DYNC1I1: variants seen among roughly 807,000 people sequenced by gnomAD.
The protein encoded by DYNC1I1 is cytoplasmic dynein 1 intermediate chain 1.
In DYNC1I1, 43 loss-of-function variants were observed where a neutral mutation model predicts 86.6. That is an observed-to-expected ratio of 0.50 (90% confidence interval 0.39 to 0.64). DYNC1I1 has a LOEUF of 0.64. DYNC1I1 is among the 30% of genes least tolerant of loss of function. The pLI is 0.00. For synonymous variants in DYNC1I1, 262 were observed against 283.7 expected (o/e 0.92, Z 0.77); for missense variants, 604 against 788.8 (o/e 0.77, Z 2.81).
chr7:95,958,009 T>G (rs1050118093), intron 6 of DYNC1I1, among the ~76,000 whole-genome samples: 3 of 152,204 alleles, frequency 2.0e-5, no homozygotes, highest in Non-Finnish European at 4.4e-5. Flanking sequence ...CTTGGCATTA[T>G]TGGTATTTTG....
chr7:96,110,175 T>C, downstream of DYNC1I1: 1 of 362,050 alleles, frequency 2.8e-6, no homozygotes, highest in Non-Finnish European at 5.5e-6. Context: ...TTCAGTTCTA[T>C]CAGCTTTTGT....
intron 14 of DYNC1I1, among the ~76,000 whole-genome samples, chr7:96,051,298 C>A (rs1319231120): frequency 6.6e-6 from 1 of 152,152 alleles, no homozygotes; most frequent in African/African-American, 2.4e-5. Context: ...TTTCTTTAGA[C>A]TTCAATGGGC....
In DYNC1I1 at chr7:96,028,320, C is replaced by T. The variant is rs546629907; in HGVS notation, c.1115C>T (p.Thr372Met). Reference protein sequence around the residue: ...QRTPLSAAAHTHPVYCVNVVG... With the variant: ...QRTPLSAAAHMHPVYCVNVVG... Reference sequence around the variant, plus strand: ...ACACCCTTATCAGCTGCTGCACACACGGTAATGCAAACTTTTGCCATATCC... The same window carrying T: ...ACACCCTTATCAGCTGCTGCACACATGGTAATGCAAACTTTTGCCATATCC... The change falls in exon 11 of 17, where the codon ACG becomes ATG. Residue 372 changes from threonine to methionine, a missense_variant and splice_region_variant. Thr to Met is a moderately conservative substitution (Grantham distance 81). Transcript: ENST00000447467. The T allele has an allele frequency of 3.1e-6, 5 of 1,597,880 alleles. No individual in the cohort carries two copies. Among genetic ancestry groups the T allele is most frequent in the South Asian group, 1.1e-5 (1 of 89,656 alleles).
At chr7:95,921,144 T>A (rs999005992) in intron 6 of DYNC1I1, among the ~76,000 whole-genome samples, 1 of 152,172 alleles carries the variant, frequency 6.6e-6, no homozygotes, top group Admixed American at 6.6e-5. Context: ...CATTAGTAAA[T>A]CCAGTACTTT....
intron 9 of DYNC1I1, 42 bp from the exon 10 acceptor site, chr7:95,995,906 G>T: frequency 6.5e-7 from 1 of 1,548,982 alleles, no homozygotes; most frequent in South Asian, 1.3e-5. Context: ...TCCTTGTGTT[G>T]TCATCTTAGC....
chr7:95,933,800 G>A (rs1428432925), intron 6 of DYNC1I1, among the ~76,000 whole-genome samples: 2 of 152,042 alleles, frequency 1.3e-5, no homozygotes, highest in African/African-American at 4.8e-5. Flanking sequence ...AGTCGCCCTT[G>A]TTATGCCACC....
At chr7:95,810,551 CG>C (rs1794806851) in intron 3 of DYNC1I1, 45 bp downstream of exon 3, 2 of 1,521,026 alleles carry the variant, frequency 1.3e-6, no homozygotes, top group African/African-American at 2.8e-5. Context: ...AATCAACTTG[CG>C]TGGGATATAC....
At chr7:96,010,690 A>G (rs1446349702) in intron 10 of DYNC1I1, among the ~76,000 whole-genome samples, 2 of 152,190 alleles carry the variant, frequency 1.3e-5, no homozygotes, top group Non-Finnish European at 2.9e-5. Flanking sequence ...TGTTAATGTC[A>G]TTAGGTTAAA....
At chr7:96,024,309 C>A (rs1794623315) in intron 10 of DYNC1I1, among the ~76,000 whole-genome samples, 1 of 152,148 alleles carries the variant, frequency 6.6e-6, no homozygotes, top group Non-Finnish European at 1.5e-5. Flanking sequence ...GTTGCTCATG[C>A]TAGTCTCGAA....
intron 11 of DYNC1I1, among the ~76,000 whole-genome samples, chr7:96,030,330 T>TTGTGTG (rs200496803): frequency 0.035 from 4,712 of 135,410 alleles, 118 homozygotes; most frequent in African/African-American, 0.039. Context: ...AATGGTAGAG[T>TTGTGTG]TGTGTGTGTG....
intron 4 of DYNC1I1, among the ~76,000 whole-genome samples, chr7:95,821,713 G>A (rs995298223): frequency 2.0e-5 from 3 of 151,922 alleles, no homozygotes; most frequent in Non-Finnish European, 2.9e-5. Context: ...TATTATTGAC[G>A]CTGTTTTATT....
At chr7:95,948,145 T>G (rs1792456261) in intron 6 of DYNC1I1, among the ~76,000 whole-genome samples, 1 of 152,174 alleles carries the variant, frequency 6.6e-6, no homozygotes, top group South Asian at 2.1e-4. Flanking sequence ...CTCCATCTCC[T>G]AGAGTTCCTC....
chr7:95,855,812 AC>A (rs1311272833), intron 5 of DYNC1I1, among the ~76,000 whole-genome samples: 5 of 152,198 alleles, frequency 3.3e-5, no homozygotes, highest in Non-Finnish European at 7.3e-5. Flanking sequence ...AAAATGGTAT[AC>A]CTGTATAGGA....
chr7:95,944,441 T>C (rs1359515406), intron 6 of DYNC1I1, among the ~76,000 whole-genome samples: 1 of 152,184 alleles, frequency 6.6e-6, no homozygotes, highest in Non-Finnish European at 1.5e-5. Flanking sequence ...GTAAACTAGT[T>C]CAACCATTGT....
intron 9 of DYNC1I1, among the ~76,000 whole-genome samples, chr7:95,988,617 A>G (rs1793655318): frequency 1.3e-5 from 2 of 152,214 alleles, no homozygotes; most frequent in Non-Finnish European, 2.9e-5. Context: ...CTGAGCCCAC[A>G]TTCTTAACAA....
At chr7:95,784,310 G>T (rs1223275740) in intron 1 of DYNC1I1, among the ~76,000 whole-genome samples, 3 of 152,130 alleles carry the variant, frequency 2.0e-5, no homozygotes, top group Admixed American at 6.5e-5. Flanking sequence ...TGGTATAAAT[G>T]AATTGTGACT....
intron 6 of DYNC1I1, among the ~76,000 whole-genome samples, chr7:95,883,460 A>G (rs1790508663): frequency 6.6e-6 from 1 of 152,160 alleles, no homozygotes; most frequent in South Asian, 2.1e-4. Flanking sequence ...CTAATGTATA[A>G]TGATGTTTTA....
intron 14 of DYNC1I1, among the ~76,000 whole-genome samples, chr7:96,052,547 G>A (rs530859894): frequency 6.6e-6 from 1 of 152,160 alleles, no homozygotes; most frequent in Non-Finnish European, 1.5e-5. Context: ...GATTAAATGA[G>A]TGAATAGTTG....
chr7:95,943,628 A>G (rs1437653962), intron 6 of DYNC1I1, among the ~76,000 whole-genome samples: 1 of 140,598 alleles, frequency 7.1e-6, no homozygotes, highest in Non-Finnish European at 1.6e-5. Flanking sequence ...AAATTATACT[A>G]CAAGGCTACA....
Sources: gnomAD v4.1 joint callset for allele counts (sites outside exome capture counted in the v4.1 genomes callset) on GRCh38, gnomAD v4.1.1 for gene constraint, MANE v1.5 for transcripts, NCBI Gene and HGNC (gene_info 2026-07-23, HGNC 2026-07-21) for gene names.